GFOD1: variants seen among roughly 807,000 people sequenced by gnomAD.
GFOD1 encodes the protein glucose-fructose oxidoreductase domain-containing protein 1.
GFOD1 carries 9 observed loss-of-function variants against 25.4 expected under a neutral mutation model. That is an observed-to-expected ratio of 0.35 (90% CI 0.21 to 0.62). The LOEUF is 0.62. GFOD1 is among the 20% of genes least tolerant of loss of function. The pLI is 0.72. For synonymous variants in GFOD1, 253 were observed against 245.6 expected (o/e 1.03, Z -0.28); for missense variants, 403 against 556.9 (o/e 0.72, Z 2.78).
intron 1 of GFOD1, chr6:13,472,175 CT>C (rs1758522779): frequency 6.6e-6 from 1 of 152,260 alleles, no homozygotes; most frequent in Non-Finnish European, 1.5e-5. Context: ...TTAACTCCCC[CT>C]GGGTCCCTCC....
chr6:13,411,493 T>C (rs1382510773), intron 1 of GFOD1, among the ~76,000 whole-genome samples: 1 of 151,956 alleles, frequency 6.6e-6, no homozygotes, highest in African/African-American at 2.4e-5. Flanking sequence ...GGTTTCACCA[T>C]GTTAGCCAGG....
chr6:13,470,083 G>C, intron 1 of GFOD1: 1 of 1,399,700 alleles, frequency 7.1e-7, no homozygotes, highest in Non-Finnish European at 9.6e-7. Flanking sequence ...GAGGAATACA[G>C]ATGTTGAATT....
At chr6:13,472,615 C>T (rs541940671) in intron 1 of GFOD1, among the ~76,000 whole-genome samples, 5 of 152,178 alleles carry the variant, frequency 3.3e-5, no homozygotes, top group African/African-American at 7.2e-5. Context: ...GATTCAACCC[C>T]GGGCAGTGCC....
At chr6:13,448,818 C>T (rs1758048561) in intron 1 of GFOD1, among the ~76,000 whole-genome samples, 1 of 152,178 alleles carries the variant, frequency 6.6e-6, no homozygotes, top group African/African-American at 2.4e-5. Context: ...CTGGCTGTAC[C>T]TCCTGAGATG....
intron 1 of GFOD1, chr6:13,486,274 G>C (rs931150226): frequency 3.8e-5 from 10 of 263,926 alleles, no homozygotes; most frequent in African/African-American, 3.0e-4. Flanking sequence ...CACACACTTG[G>C]ACACTACACA....
chr6:13,359,125 A>C lies in GFOD1; in HGVS notation c.*5618T>G, dbSNP rs1784910340. The stretch of plus-strand genomic sequence containing the variant: ...TCCTATGAGAAGTCCCAGAAGCCCC[A>C]GTCAGTCTGGGTGGGGGGTCCCCTG... On this transcript the variant is annotated 3_prime_UTR_variant, in exon 2 of 2. Coordinates refer to ENST00000379287, the MANE Select transcript of GFOD1 (RefSeq NM_018988.4). The C allele has an allele frequency of 6.6e-6, 1 of 152,316 alleles. No individual in the cohort carries two copies. Among genetic ancestry groups the C allele is most frequent in the African/African-American group, 2.4e-5 (1 of 41,458 alleles). The allele number at this position is 152,316 out of a possible 1,614,324, so 9.4% of individuals were successfully genotyped here. A position where few individuals can be genotyped will look rare whatever the true frequency, so the allele number is the denominator to read the frequency against.
chr6:13,374,614 G>GT (rs1785221312), intron 1 of GFOD1, among the ~76,000 whole-genome samples: 1 of 149,478 alleles, frequency 6.7e-6, no homozygotes, highest in Non-Finnish European at 1.5e-5. Context: ...CCAAAAATAA[G>GT]TTTTTTTAAT....
In GFOD1 at chr6:13,430,611, C is replaced by A. The variant is rs1757733549; in HGVS notation, c.253+56027G>T. 6.6e-6 allele frequency among the ~76,000 whole-genome samples: 1 copy of A among 152,260 alleles called. No individual in the cohort carries two copies. The highest frequency in any genetic ancestry group is 1.5e-5 in the Non-Finnish European group (1 of 68,026). ...ATTATGGGGTTCCCATAGAGACGGG[C>A]AGCTTGTGTACAATGGGGAAGACTT... On this transcript the variant is annotated intron_variant, in intron 1 of 1. Coordinates refer to ENST00000379287, the MANE Select transcript of GFOD1 (RefSeq NM_018988.4). This position sits in a 1 kb window ranked among gnomAD's most constrained non-coding sequence, Gnocchi z 4.1.
chr6:13,467,321 C>T (rs539659085), intron 1 of GFOD1, among the ~76,000 whole-genome samples: 3 of 152,108 alleles, frequency 2.0e-5, no homozygotes, highest in East Asian at 3.9e-4. Context: ...ATATAGGTAA[C>T]GAAATGAAAG....
At chr6:13,368,571 C>A (rs2127555306) in intron 1 of GFOD1, among the ~76,000 whole-genome samples, 1 of 152,320 alleles carries the variant, frequency 6.6e-6, no homozygotes, top group East Asian at 1.9e-4. Flanking sequence ...ATCTGCCTCA[C>A]ACCCATTGGG....
At chr6:13,390,780 A>AAAGGAAGAAAGG (rs1554200642) in intron 1 of GFOD1, among the ~76,000 whole-genome samples, 6 of 117,904 alleles carry the variant, frequency 5.1e-5, no homozygotes, top group Non-Finnish European at 1.1e-4. Context: ...AGAGAGAGAG[A>AAAGGAAGAAAGG]AAGGAAGGAA....
chr6:13,440,806 T>C (rs1757902867), intron 1 of GFOD1, among the ~76,000 whole-genome samples: 1 of 152,234 alleles, frequency 6.6e-6, no homozygotes, highest in Non-Finnish European at 1.5e-5. Context: ...TACTTTAAAA[T>C]AGTGCTTATT....
At chr6:13,421,625 G>A (rs533929898) in intron 1 of GFOD1, among the ~76,000 whole-genome samples, 41 of 151,766 alleles carry the variant, frequency 2.7e-4, no homozygotes, top group Admixed American at 3.9e-4. Context: ...GGCATATGCC[G>A]CCCACCAGAT....
In GFOD1 at chr6:13,431,990, T is replaced by C. The variant is rs374579373; in HGVS notation, c.253+54648A>G. Among the ~76,000 whole-genome samples, 121 of 152,300 alleles carry C rather than the reference T, an allele frequency of 7.9e-4. 1 individual carries two copies. Among genetic ancestry groups the C allele is most frequent in the African/African-American group, 2.8e-3 (115 of 41,564 alleles). Reference sequence around the variant, plus strand: ...AGAGACCATTTCCTCAGCAGCATTCTGCCTCTACTCTGTTAACACAGCTCA... The same window carrying C: ...AGAGACCATTTCCTCAGCAGCATTCCGCCTCTACTCTGTTAACACAGCTCA... On this transcript the variant is annotated intron_variant, in intron 1 of 1. Transcript: ENST00000379287.
rs1786135637 is a variant in GFOD1, at chr6:13,414,665, G to A, written c.254-49003C>T. Among the ~76,000 whole-genome samples the A allele has an allele frequency of 2.0e-5, 3 of 152,190 alleles. No individual in the cohort carries two copies. The South Asian group carries it at 6.2e-4, about 32-fold the overall frequency. On this transcript the variant is annotated intron_variant, in intron 1 of 1. Coordinates refer to ENST00000379287, the MANE Select transcript of GFOD1 (RefSeq NM_018988.4). Reference sequence around the variant, plus strand: ...ATATCATAGGCATGTTGGGAAAAATGTCAGCACAGTGGCTGGCATGTAGGA... The same window carrying A: ...ATATCATAGGCATGTTGGGAAAAATATCAGCACAGTGGCTGGCATGTAGGA...
chr6:13,435,308 T>A (rs1757817436), intron 1 of GFOD1, among the ~76,000 whole-genome samples: 1 of 152,238 alleles, frequency 6.6e-6, no homozygotes, highest in South Asian at 2.1e-4. Flanking sequence ...TTGCACATGC[T>A]GTACCCTCTG....
intron 1 of GFOD1, among the ~76,000 whole-genome samples, chr6:13,436,615 T>C (rs1253093682): frequency 6.6e-6 from 1 of 152,254 alleles, no homozygotes; most frequent in African/African-American, 2.4e-5. Context: ...ATATGGTGTT[T>C]CCAGTTATTC....
intron 1 of GFOD1, among the ~76,000 whole-genome samples, chr6:13,373,879 T>C (rs1237028987): frequency 1.3e-5 from 2 of 151,756 alleles, no homozygotes; most frequent in Non-Finnish European, 2.9e-5. Context: ...TTCCTCCATA[T>C]ACATTAAAAG....
At chr6:13,479,501 T>C (rs539456020) in intron 1 of GFOD1, among the ~76,000 whole-genome samples, 153 of 152,364 alleles carry the variant, frequency 1.0e-3, no homozygotes, top group African/African-American at 3.6e-3. Flanking sequence ...TGGGCTATGA[T>C]TGCCCTGAGT....
Sources: gnomAD v4.1 joint callset for allele counts (sites outside exome capture counted in the v4.1 genomes callset) on GRCh38, gnomAD v4.1.1 for gene constraint, Gnocchi (gnomAD v3.1) non-coding constraint, MANE v1.5 for transcripts, NCBI Gene and HGNC (gene_info 2026-07-23, HGNC 2026-07-21) for gene names.